Variants in RAB27A observed in about 807,000 individuals in gnomAD.
RAB27A encodes the protein ras-related protein Rab-27A.
In RAB27A, 17 loss-of-function variants were observed where a neutral mutation model predicts 20.8. That is an observed-to-expected ratio of 0.82 (90% CI 0.56 to 1.23). The LOEUF is 1.23. Among genes scored for constraint, RAB27A ranks in the 50% most tolerant of loss-of-function variants. RAB27A has a pLI of 0.00. For synonymous variants in RAB27A, 85 were observed against 92.8 expected (o/e 0.92, Z 0.48); for missense variants, 277 against 266.7 (o/e 1.04, Z -0.27).
chr15:55,259,716 C>T (rs1409399971), intron 2 of RAB27A, among the ~76,000 whole-genome samples: 1 of 152,158 alleles, frequency 6.6e-6, no homozygotes, highest in African/African-American at 2.4e-5. Flanking sequence ...CATTATTTTT[C>T]CCTTAAGTAT....
At chr15:55,308,660 T>C (rs1378938203) in intron 2 of RAB27A, among the ~76,000 whole-genome samples, 1 of 152,242 alleles carries the variant, frequency 6.6e-6, no homozygotes, top group Non-Finnish European at 1.5e-5. Flanking sequence ...CTTTTCTTCA[T>C]TGTCCGGAAG....
At chr15:55,288,237 T>C (rs560664987) in intron 1 of RAB27A, among the ~76,000 whole-genome samples, 1 of 152,078 alleles carries the variant, frequency 6.6e-6, no homozygotes, top group South Asian at 2.1e-4. Context: ...AAAGGAAAAA[T>C]AGGCTCGGTG....
At chr15:55,215,374 C>T (rs1295476098) in intron 6 of RAB27A, among the ~76,000 whole-genome samples, 1 of 152,174 alleles carries the variant, frequency 6.6e-6, no homozygotes, top group Non-Finnish European at 1.5e-5. Context: ...CATAACCGGC[C>T]GGGCGCGGTG....
At chr15:55,228,829 A>G (rs1256222300) in intron 4 of RAB27A, 117 bp from the exon 5 acceptor site, 1 of 745,738 alleles carries the variant, frequency 1.3e-6, no homozygotes, top group Non-Finnish European at 2.4e-6. Flanking sequence ...CTACATGGTG[A>G]TATTTCAAAA....
chr15:55,317,715 T>C, intron 1 of RAB27A: 1 of 398,638 alleles, frequency 2.5e-6, no homozygotes, highest in Non-Finnish European at 4.4e-6. Context: ...CAAATACTGG[T>C]TGAAAAATAT....
intron 3 of RAB27A, among the ~76,000 whole-genome samples, chr15:55,233,031 A>G (rs1896096504): frequency 6.6e-6 from 1 of 152,176 alleles, no homozygotes; most frequent in Non-Finnish European, 1.5e-5. Context: ...AGACTGAGGC[A>G]GGAGAATCAC....
At chr15:55,298,381 G>C (rs1375208838) in intron 2 of RAB27A, among the ~76,000 whole-genome samples, 1 of 152,096 alleles carries the variant, frequency 6.6e-6, no homozygotes, top group African/African-American at 2.4e-5. Flanking sequence ...ATGTCGGTAG[G>C]TTCCGTGATG....
At chr15:55,307,908 A>C (rs575233356) in intron 2 of RAB27A, among the ~76,000 whole-genome samples, 2 of 152,000 alleles carry the variant, frequency 1.3e-5, no homozygotes, top group East Asian at 1.9e-4. Flanking sequence ...GGGTGCTATC[A>C]ATGCCTAAGT....
chr15:55,253,452 A>G (rs962966008), intron 2 of RAB27A, among the ~76,000 whole-genome samples: 1 of 48,782 alleles, frequency 2.0e-5, no homozygotes, highest in African/African-American at 4.8e-5. Flanking sequence ...GTCTCAAAGG[A>G]AAAAAAAAAA....
At chr15:55,305,570 G>A (rs2054993264) in intron 2 of RAB27A, among the ~76,000 whole-genome samples, 2 of 152,182 alleles carry the variant, frequency 1.3e-5, no homozygotes, top group Non-Finnish European at 2.9e-5. Context: ...TCCATTGGCT[G>A]AGGAGGCCCC....
At chr15:55,274,686 G>A (rs1190485426) in intron 1 of RAB27A, among the ~76,000 whole-genome samples, 2 of 150,924 alleles carry the variant, frequency 1.3e-5, no homozygotes, top group Non-Finnish European at 3.0e-5. Flanking sequence ...GCTGAAGCAG[G>A]AGAATCACTT....
At chr15:55,217,863 C>T (rs1490084873) in intron 6 of RAB27A, among the ~76,000 whole-genome samples, 1 of 151,782 alleles carries the variant, frequency 6.6e-6, no homozygotes, top group Non-Finnish European at 1.5e-5. Context: ...ACTTAAAGGC[C>T]ATTTGGAGTA....
At chr15:55,210,280 A>T (rs993566818) in intron 6 of RAB27A, among the ~76,000 whole-genome samples, 1 of 125,462 alleles carries the variant, frequency 8.0e-6, no homozygotes, top group African/African-American at 3.7e-5. Context: ...TTCTATTTTT[A>T]GTTTTTTTTT....
At chr15:55,306,980 G>A (rs2054999634) in intron 2 of RAB27A, among the ~76,000 whole-genome samples, 1 of 152,106 alleles carries the variant, frequency 6.6e-6, no homozygotes, top group African/African-American at 2.4e-5. Context: ...GTTGTCTCCT[G>A]GATTTTCGGG....
upstream of RAB27A, among the ~76,000 whole-genome samples, chr15:55,294,143 A>G (rs73413696): frequency 3.1e-3 from 469 of 152,094 alleles, 1 homozygote; most frequent in African/African-American, 0.011. Context: ...TAAAAAAAAA[A>G]CCTATGGTAT....
chr15:55,299,592 C>CAAAAA (rs570200207), intron 2 of RAB27A, among the ~76,000 whole-genome samples: 1 of 70,310 alleles, frequency 1.4e-5, no homozygotes, highest in African/African-American at 5.4e-5. Flanking sequence ...GAATCTGTCT[C>CAAAAA]AAAAAAAAAA....
chr15:55,250,693 C>T (rs747159675), intron 2 of RAB27A, among the ~76,000 whole-genome samples: 4 of 152,166 alleles, frequency 2.6e-5, no homozygotes, highest in Admixed American at 2.0e-4. Flanking sequence ...AGTTTGTTGT[C>T]TGACTTCTAG....
At chr15:55,234,667 AC>A (rs754256276) in intron 3 of RAB27A, 114 bp downstream of exon 3, 1 of 1,157,712 alleles carries the variant, frequency 8.6e-7, no homozygotes, top group Non-Finnish European at 1.3e-6. Flanking sequence ...TTTCATATGT[AC>A]CTTTAATTTC....
intron 2 of RAB27A, among the ~76,000 whole-genome samples, chr15:55,310,651 C>A (rs1566942018): frequency 6.6e-6 from 1 of 152,112 alleles, no homozygotes; most frequent in Non-Finnish European, 1.5e-5. Context: ...AAGCAATGGC[C>A]TTTTTTTAAA....
Sources: gnomAD v4.1 joint callset for allele counts (sites outside exome capture counted in the v4.1 genomes callset) on GRCh38, gnomAD v4.1.1 for gene constraint, MANE v1.5 for transcripts, NCBI Gene and HGNC (gene_info 2026-07-23, HGNC 2026-07-21) for gene names.